The following TMEM268 variants were observed in gnomAD, a reference collection of about 807,000 sequenced individuals.
TMEM268 encodes transmembrane protein C9orf91.
In TMEM268, 24 loss-of-function variants were observed where a neutral mutation model predicts 39.1. The observed-to-expected ratio is 0.61, with a 90% CI of 0.44 to 0.86. The LOEUF is 0.86. Among genes scored for constraint, TMEM268 ranks in the 40% least tolerant of loss-of-function variants. TMEM268 has a pLI of 0.00. For synonymous variants in TMEM268, 176 were observed against 173.5 expected (o/e 1.01, Z -0.12); for missense variants, 409 against 428.6 (o/e 0.95, Z 0.40).
Position 114,626,927 on chromosome 9 carries a change from C to G in TMEM268, c.245C>G (p.Ala82Gly), listed in dbSNP as rs747002507. The part of the protein sequence containing the change: ...QVPADQYRSL[A>G]ESALLEPQVR... ...CCGGCTGACCAGTACAGGAGCTTGGCTGAGAGTGCCCTCTTGGAGCCCCAA... is the reference window on the plus strand; with the variant it reads ...CCGGCTGACCAGTACAGGAGCTTGGGTGAGAGTGCCCTCTTGGAGCCCCAA... The change falls in exon 4 of 9, where the codon GCT becomes GGT. Residue 82 changes from alanine (A) to glycine (G), a missense_variant. Physicochemically the swap from Ala to Gly is moderately conservative, Grantham distance 60. Coordinates refer to ENST00000288502, the MANE Select transcript of TMEM268 (RefSeq NM_153045.4). 6 of 1,613,600 alleles carry G rather than the reference C, an allele frequency of 3.7e-6. No homozygotes were observed. The highest frequency in any genetic ancestry group is 5.1e-6 in the Non-Finnish European group (6 of 1,179,644).
chr9:114,614,880 A>G (rs1462955686), intron 1 of TMEM268, among the ~76,000 whole-genome samples: 1 of 147,194 alleles, frequency 6.8e-6, no homozygotes, highest in Non-Finnish European at 1.5e-5. Flanking sequence ...CACCCATGAC[A>G]GGTGTCACTG....
In TMEM268 at chr9:114,611,294, G is replaced by A. The variant is rs773142589; in HGVS notation, c.-349G>A. On this transcript the variant is annotated 5_prime_UTR_variant, in exon 1 of 9. An upstream start codon of the reference 5' UTR is lost. Coordinates refer to ENST00000288502, the MANE Select transcript of TMEM268 (RefSeq NM_153045.4). Reference sequence around the variant, plus strand: ...CGTCCCGGGGGGGCGCTCGGCTGATGAAACGCGGCCTCCAGCTCCGCTCCG... The same window carrying A: ...CGTCCCGGGGGGGCGCTCGGCTGATAAAACGCGGCCTCCAGCTCCGCTCCG... The A allele has an allele frequency of 4.0e-5, 6 of 151,866 alleles. No homozygotes were observed. Among genetic ancestry groups the A allele is most frequent in the Non-Finnish European group, 7.4e-5 (5 of 67,924 alleles). The allele number at this position is 151,866 out of a possible 1,614,324, so 9.4% of individuals were successfully genotyped here.
chr9:114,622,571 C>T, intron 2 of TMEM268: 2 of 915,588 alleles, frequency 2.2e-6, no homozygotes, highest in South Asian at 1.0e-4. Context: ...CTTTTCTCTC[C>T]AGCTGGTCTC....
intron 1 of TMEM268, among the ~76,000 whole-genome samples, chr9:114,613,778 G>A (rs946771896): frequency 8.5e-5 from 13 of 152,110 alleles, no homozygotes; most frequent in African/African-American, 3.1e-4. Flanking sequence ...TTGTAAGGGT[G>A]ATTTCATGAA....
intron 5 of TMEM268, 78 bp downstream of exon 5, chr9:114,628,328 C>T: frequency 1.3e-6 from 2 of 1,531,590 alleles, no homozygotes; most frequent in South Asian, 1.2e-5. Flanking sequence ...TTCCCTTTTG[C>T]CTCCCTCAAA....
upstream of TMEM268, among the ~76,000 whole-genome samples, chr9:114,607,030 AAC>A (rs1399735448): frequency 2.0e-5 from 3 of 152,190 alleles, no homozygotes; most frequent in Admixed American, 6.5e-5. Context: ...CAAGTTATCA[AAC>A]AGTGTTGGCA....
intron 3 of TMEM268, among the ~76,000 whole-genome samples, chr9:114,625,905 C>A (rs778065596): frequency 3.9e-5 from 6 of 151,940 alleles, no homozygotes; most frequent in Non-Finnish European, 7.4e-5. Context: ...CGGCTCACTG[C>A]AACCTCTGCC....
intron 2 of TMEM268, among the ~76,000 whole-genome samples, chr9:114,620,332 C>G: frequency 6.6e-6 from 1 of 152,158 alleles, no homozygotes; most frequent in East Asian, 1.9e-4. Flanking sequence ...GCAGCCTTGA[C>G]CTCCCAGGCT....
At chr9:114,630,935 G>A (rs1415326550) in intron 5 of TMEM268, among the ~76,000 whole-genome samples, 4 of 150,272 alleles carry the variant, frequency 2.7e-5, no homozygotes, top group Non-Finnish European at 5.9e-5. Flanking sequence ...CATCCTCTCT[G>A]TTGTTACTTG....
upstream of TMEM268, among the ~76,000 whole-genome samples, chr9:114,606,485 C>T (rs920223327): frequency 2.0e-5 from 3 of 152,182 alleles, no homozygotes; most frequent in Non-Finnish European, 2.9e-5. Context: ...GTAATGGAGC[C>T]ACTAGCAACG....
At chr9:114,642,623 A>T (rs1439459629) in intron 8 of TMEM268, among the ~76,000 whole-genome samples, 1 of 151,508 alleles carries the variant, frequency 6.6e-6, no homozygotes. Context: ...CTTTCTTTTT[A>T]TATTTTTAAA....
intron 2 of TMEM268, among the ~76,000 whole-genome samples, chr9:114,619,293 GCA>G (rs10552544): frequency 0.048 from 7,182 of 150,270 alleles, 217 homozygotes; most frequent in East Asian, 0.093. Context: ...GTGCACGCGT[GCA>G]CACACACACA....
At chr9:114,638,485 G>C (rs2133707298) in intron 7 of TMEM268, 59 bp from the exon 8 acceptor site, 1 of 1,358,152 alleles carries the variant, frequency 7.4e-7, no homozygotes, top group South Asian at 1.6e-5. Flanking sequence ...GAGGGACTCA[G>C]CCTCGCAGAT....
chr9:114,643,399 G>C lies in TMEM268; in HGVS notation c.*86G>C. The stretch of plus-strand genomic sequence containing the variant: ...CCAAGATGGCCAATGGGGAGCCCCA[G>C]GTGAGGAGAGAAGCATCTGGGGGCA... On this transcript the variant is annotated 3_prime_UTR_variant, in exon 9 of 9. Transcript: ENST00000288502. 1 of 1,265,580 alleles carries C rather than the reference G, an allele frequency of 7.9e-7. No homozygotes were observed. The highest frequency in any genetic ancestry group is 1.3e-5 in the South Asian group (1 of 75,656). The allele number at this position is 1,265,580 out of a possible 1,614,324, so 78.4% of individuals were successfully genotyped here.
intron 3 of TMEM268, among the ~76,000 whole-genome samples, chr9:114,625,786 C>T (rs1326300306): frequency 1.3e-5 from 2 of 150,882 alleles, no homozygotes; most frequent in African/African-American, 2.4e-5. Context: ...ATTGTTCTAC[C>T]GTGTTCCTAA....
the TMEM268 span, among the ~76,000 whole-genome samples, chr9:114,604,011 A>G: frequency 6.7e-6 from 1 of 149,384 alleles, no homozygotes; most frequent in Non-Finnish European, 1.5e-5. Flanking sequence ...GACTAATTTA[A>G]TTCTTTTTTT....
At chr9:114,624,285 G>T (rs140093477) in intron 2 of TMEM268, 65 bp from the exon 3 acceptor site, 1 of 1,544,944 alleles carries the variant, frequency 6.5e-7, no homozygotes. Flanking sequence ...GCCAGGCTTC[G>T]GGCTCACCCC....
rs1564280945 is a variant in TMEM268 at position 114,611,550 on chromosome 9, G to GGCGGCGGCGC, written c.-93_-92insGCGGCGGCGC. On this transcript the variant is annotated 5_prime_UTR_variant, in exon 1 of 9. Transcript: ENST00000288502. ...TCCCGGGGTGGCGGCGGCGGCGGCGGCGGCGGCGCGGGCGGTGAGTGTGCG... is the reference window on the plus strand; with the variant it reads ...TCCCGGGGTGGCGGCGGCGGCGGCGGGCGGCGGCGCCGGCGGCGCGGGCGGTGAGTGTGCG... 5 of 167,396 alleles carry GGCGGCGGCGC rather than the reference G, an allele frequency of 3.0e-5. No individual in the cohort carries two copies. The East Asian group carries it at 8.8e-4, about 29-fold the overall frequency. The allele number at this position is 167,396 out of a possible 1,614,324, so 10.4% of individuals were successfully genotyped here. A position where few individuals can be genotyped will look rare whatever the true frequency, so the allele number is the denominator to read the frequency against.
At chr9:114,629,125 A>G (rs1398526215) in intron 5 of TMEM268, among the ~76,000 whole-genome samples, 1 of 152,256 alleles carries the variant, frequency 6.6e-6, no homozygotes, top group East Asian at 1.9e-4. Flanking sequence ...ATTCCAAGCC[A>G]TGTTCTTAGC....
Sources: gnomAD v4.1 joint callset for allele counts (sites outside exome capture counted in the v4.1 genomes callset) on GRCh38, gnomAD v4.1.1 for gene constraint, MANE v1.5 for transcripts, NCBI Gene and HGNC (gene_info 2026-07-23, HGNC 2026-07-21) for gene names.